The following APC variants were observed in gnomAD, a reference collection of about 807,000 sequenced individuals.
APC encodes the protein adenomatous polyposis coli protein.
A neutral mutation model predicts 247.0 loss-of-function variants in APC; 72 were observed. The observed-to-expected ratio is 0.29, with a 90% CI of 0.24 to 0.35. The LOEUF is 0.35. Among genes scored for constraint, APC ranks in the 10% least tolerant of loss-of-function variants. APC has a pLI of 1.00. For missense variants in APC, 3,400 were observed against 3,360.7 expected, an observed-to-expected ratio of 1.01 and a Z score of -0.29; for synonymous variants, 1,254 against 1,162.5, an observed-to-expected ratio of 1.08 and a Z score of -1.60.
At chr5:112,748,160 G>A (rs1561434764) in intron 1 of APC, among the ~76,000 whole-genome samples, 1 of 152,170 alleles carries the variant, frequency 6.6e-6, no homozygotes. Context: ...CGTGGTATGG[G>A]CTTGGATAGG....
chr5:112,795,220 G>C (rs1195720491), intron 7 of APC, among the ~76,000 whole-genome samples: 1 of 152,060 alleles, frequency 6.6e-6, no homozygotes, highest in Non-Finnish European at 1.5e-5. Context: ...TAGAGATGGG[G>C]TTTCACCATA....
chr5:112,841,525 A>G lies in APC; in HGVS notation c.5931A>G (p.Gln1977=), dbSNP rs975299630. The change falls in exon 16 of 16, where the codon CAA becomes CAG. Residue 1977 remains glutamine, a synonymous_variant. Coordinates refer to ENST00000257430, the MANE Select transcript of APC (RefSeq NM_000038.6). This position sits in a 1 kb window ranked among gnomAD's most constrained non-coding sequence, Gnocchi z 4.6. ...SSLSSLSDID[Q]ENNNKENEPI... is the part of the protein sequence containing the mutation. Reference sequence around the variant, plus strand: ...TGAGTTCTCTCAGTGACATTGACCAAGAAAACAACAATAAAGAAAATGAAC... The same window carrying G: ...TGAGTTCTCTCAGTGACATTGACCAGGAAAACAACAATAAAGAAAATGAAC... 3 of 1,614,014 alleles carry G rather than the reference A, an allele frequency of 1.9e-6. No individual in the cohort carries two copies. The highest frequency in any genetic ancestry group is 2.5e-6 in the Non-Finnish European group (3 of 1,179,910).
At chr5:112,808,030 G>A (rs1032624592) in intron 8 of APC, among the ~76,000 whole-genome samples, 11 of 151,920 alleles carry the variant, frequency 7.2e-5, no homozygotes, top group African/African-American at 1.5e-4. Context: ...TGGCGCACAC[G>A]TGTAGTCCCA....
chr5:112,790,700 T>C (rs1759481900), intron 6 of APC, among the ~76,000 whole-genome samples: 1 of 152,206 alleles, frequency 6.6e-6, no homozygotes, highest in Non-Finnish European at 1.5e-5. Context: ...ATTTTTACTA[T>C]GGTAGTAAGA....
chr5:112,815,391 A>T (rs1312920347), intron 8 of APC, 104 bp from the exon 9 acceptor site: 4 of 787,380 alleles, frequency 5.1e-6, no homozygotes, highest in Non-Finnish European at 4.4e-6. Context: ...TGATGTATTT[A>T]ATTGTTTATC....
In APC at chr5:112,839,049, A is replaced by C. The variant is rs1187714969; in HGVS notation, c.3455A>C (p.Gln1152Pro). 1.2e-6 allele frequency: 2 copies of C among 1,614,002 alleles called. No individual in the cohort carries two copies. Among genetic ancestry groups the C allele is most frequent in the Non-Finnish European group, 8.5e-7 (1 of 1,180,034 alleles). Residue 1152 changes from glutamine (Q) to proline (P), a missense_variant, in exon 16 of 16, where the codon CAG (glutamine) becomes CCG (proline). Physicochemically the swap from Gln to Pro is moderately conservative, Grantham distance 76 (BLOSUM62 -1). Coordinates refer to ENST00000257430, the MANE Select transcript of APC (RefSeq NM_000038.6). The surrounding 1 kb of genome is among the most constrained non-coding windows in gnomAD (Gnocchi z 5.0). The part of the protein sequence containing the change: ...NYSERYSEEE[Q>P]HEEEERPTNY... ...AGTGAACGTTACTCTGAAGAAGAAC[A>C]GCATGAAGAAGAAGAGAGACCAACA...
chr5:112,789,845 T>A (rs1376517420), intron 6 of APC, among the ~76,000 whole-genome samples: 1 of 151,064 alleles, frequency 6.6e-6, no homozygotes, highest in African/African-American at 2.4e-5. Flanking sequence ...TAAGATTTGT[T>A]ACTTAAAGAA....
intron 2 of APC, among the ~76,000 whole-genome samples, chr5:112,757,183 T>A (rs766597294): frequency 2.4e-4 from 36 of 152,180 alleles, no homozygotes; most frequent in Admixed American, 1.4e-3. Context: ...TGTGGTACCA[T>A]AACAATTACA....
chr5:112,827,329 T>TC (rs2149811223), intron 12 of APC, 82 bp downstream of exon 12: 1 of 1,500,772 alleles, frequency 6.7e-7, no homozygotes, highest in South Asian at 1.1e-5. Context: ...TTACTGATTT[T>TC]CTTTTTTTTC....
intron 7 of APC, among the ~76,000 whole-genome samples, chr5:112,799,342 T>C (rs529319875): frequency 2.2e-4 from 33 of 152,142 alleles, no homozygotes; most frequent in African/African-American, 6.5e-4. Context: ...AGTAGCACCA[T>C]CATTATTGAA....
chr5:112,772,029 C>T lies in APC; in HGVS notation c.423-3600C>T, dbSNP rs2439589. 0.4 allele frequency among the ~76,000 whole-genome samples: 61,062 copies of T among 151,996 alleles called. 14,777 individuals are homozygous for T. Among genetic ancestry groups the T allele is most frequent in the East Asian group, 0.65 (3,364 of 5,164 alleles). On this transcript the variant is annotated intron_variant, in intron 4 of 15. Transcript: ENST00000257430. Reference sequence around the variant, plus strand: ...AAAGTCCTTAGCACTATGCCCAGTACATACAGCATTCAATAATGTTAGGAA... The same window carrying T: ...AAAGTCCTTAGCACTATGCCCAGTATATACAGCATTCAATAATGTTAGGAA...
chr5:112,729,453 A>G (rs1751979779), intron 1 of APC, among the ~76,000 whole-genome samples: 1 of 152,220 alleles, frequency 6.6e-6, no homozygotes, highest in African/African-American at 2.4e-5. Context: ...AATGACATGA[A>G]GGACTAGTCA....
In APC at chr5:112,767,248, C is replaced by A. The variant is rs550945533; in HGVS notation, c.280C>A (p.Arg94Ser). The A allele has an allele frequency of 5.0e-6, 8 of 1,614,094 alleles. No individual in the cohort carries two copies. The East Asian group carries it at 6.7e-5, about 13-fold the overall frequency. The change falls in exon 4 of 16, where the codon CGT becomes AGT. Residue 94 changes from arginine (R) to serine (S), a missense_variant. Transcript: ENST00000257430. ...GVKLRSKMSL[R>S]SYGSREGSVS... The stretch of plus-strand genomic sequence containing the variant: ...AAAACTGCGGTCAAAAATGTCCCTC[C>A]GTTCTTATGGAAGCCGGGAAGGATC...
intron 1 of APC, among the ~76,000 whole-genome samples, chr5:112,749,089 T>C (rs1350819682): frequency 6.6e-6 from 1 of 152,244 alleles, no homozygotes; most frequent in Non-Finnish European, 1.5e-5. Context: ...TATTTTAATG[T>C]AGCGAGTGAC....
At chr5:112,800,397 C>A (rs888780167) in intron 7 of APC, among the ~76,000 whole-genome samples, 1 of 152,036 alleles carries the variant, frequency 6.6e-6, no homozygotes, top group Non-Finnish European at 1.5e-5. Context: ...ATAACTGATA[C>A]TAGTTTATTG....
intron 1 of APC, among the ~76,000 whole-genome samples, chr5:112,718,951 T>C (rs1265550741): frequency 6.6e-6 from 1 of 152,162 alleles, no homozygotes; most frequent in Non-Finnish European, 1.5e-5. Flanking sequence ...TCCTTTAAAG[T>C]TAGGTTAGTT....
chr5:112,826,589 A>T (rs955620352), intron 11 of APC, among the ~76,000 whole-genome samples: 30 of 99,152 alleles, frequency 3.0e-4, no homozygotes, highest in African/African-American at 1.2e-3. Flanking sequence ...TTTTTTGTAA[A>T]AAAAAAAAAA....
At chr5:112,767,976 C>T (rs1756550260) in intron 4 of APC, among the ~76,000 whole-genome samples, 1 of 151,856 alleles carries the variant, frequency 6.6e-6, no homozygotes, top group Admixed American at 6.6e-5. Context: ...ACTCTGGAGG[C>T]TGAGGCGGTA....
At chr5:112,812,132 A>G (rs2149749684) in intron 8 of APC, among the ~76,000 whole-genome samples, 1 of 152,312 alleles carries the variant, frequency 6.6e-6, no homozygotes, top group South Asian at 2.1e-4. Flanking sequence ...AGTGCTTCTC[A>G]TCACCTCTAT....
Sources: allele counts gnomAD v4.1 joint callset (sites outside exome capture counted in the v4.1 genomes callset), GRCh38; gene constraint gnomAD v4.1.1; non-coding constraint Gnocchi (gnomAD v3.1); transcripts MANE v1.5; gene names NCBI Gene and HGNC (gene_info 2026-07-23, HGNC 2026-07-21).